PRIMPOL: variants seen among roughly 807,000 people sequenced by gnomAD.
PRIMPOL encodes DNA-directed primase/polymerase protein.
PRIMPOL carries 54 observed loss-of-function variants against 63.6 expected under a neutral mutation model. The observed-to-expected ratio is 0.85, with a 90% CI of 0.68 to 1.07. PRIMPOL has a LOEUF of 1.07. Among genes scored for constraint, PRIMPOL ranks in the 50% least tolerant of loss-of-function variants. The pLI, the probability that PRIMPOL is intolerant of heterozygous loss-of-function variation, is 0.00. For missense variants in PRIMPOL, 610 were observed against 648.3 expected (o/e 0.94, Z 0.64); for synonymous variants, 197 against 220.2 (o/e 0.89, Z 0.93).
chr4:184,654,312 T>C (rs964295667), intron 2 of PRIMPOL, among the ~76,000 whole-genome samples: 1 of 152,210 alleles, frequency 6.6e-6, no homozygotes, highest in Non-Finnish European at 1.5e-5. Context: ...TTAATAAACT[T>C]CATGATAGAA....
At position 184,654,618 on chromosome 4, in the gene PRIMPOL, T is replaced by G. The variant is rs184231548; in HGVS notation, c.-59-2464T>G. Among the ~76,000 whole-genome samples the G allele has an allele frequency of 8.2e-3, 1,246 of 151,876 alleles. 18 individuals are homozygous for G. The highest frequency in any genetic ancestry group is 0.029 in the African/African-American group (1,181 of 41,398). On this transcript the variant is annotated intron_variant, in intron 2 of 13. Transcript: ENST00000314970. ...GGCACCCACCACCACGCCCAGCTAA[T>G]TTGTTTTGTATTTTTAGTAGAGACA...
rs115783854 is a variant in PRIMPOL at position 184,652,382 on chromosome 4, G to A, written c.-60+282G>A. Among the ~76,000 whole-genome samples, 554 of 142,820 alleles carry A rather than the reference G, an allele frequency of 3.9e-3. 2 individuals carry two copies. The highest frequency in any genetic ancestry group is 0.012 in the South Asian group (52 of 4,354). The allele number at this position is 142,820 out of a possible 152,430, so 93.7% of individuals were successfully genotyped here. A position where few individuals can be genotyped will look rare whatever the true frequency, so the allele number is the denominator to read the frequency against. ...ATGCTGTTTGGATGGGAGATCCTGT[G>A]GGGAGGATAGAAAGGAGGAACTGGA... On this transcript the variant is annotated intron_variant, in intron 2 of 13. Coordinates refer to ENST00000314970, the MANE Select transcript of PRIMPOL (RefSeq NM_152683.4).
chr4:184,686,172 C>T (rs1056603290), intron 11 of PRIMPOL, among the ~76,000 whole-genome samples: 3 of 152,160 alleles, frequency 2.0e-5, no homozygotes, highest in Non-Finnish European at 4.4e-5. Flanking sequence ...GTGATTATTG[C>T]GTTGCTTCTA....
At chr4:184,663,381 C>A (rs911726107) in intron 5 of PRIMPOL, among the ~76,000 whole-genome samples, 2 of 152,114 alleles carry the variant, frequency 1.3e-5, no homozygotes, top group African/African-American at 4.8e-5. Flanking sequence ...TATTGACTTT[C>A]TTCTACAGTC....
intron 11 of PRIMPOL, among the ~76,000 whole-genome samples, chr4:184,686,741 G>C (rs1371949866): frequency 6.6e-6 from 1 of 152,078 alleles, no homozygotes; most frequent in African/African-American, 2.4e-5. Flanking sequence ...TGATCGGGAA[G>C]CTCTTGCTGG....
intron 5 of PRIMPOL, among the ~76,000 whole-genome samples, chr4:184,662,341 T>C (rs1271254696): frequency 6.6e-6 from 1 of 152,180 alleles, no homozygotes; most frequent in Non-Finnish European, 1.5e-5. Context: ...AATCATCTTA[T>C]CTTGTCCCTT....
chr4:184,680,966 A>G (rs1020039145), intron 8 of PRIMPOL, among the ~76,000 whole-genome samples: 3 of 152,172 alleles, frequency 2.0e-5, no homozygotes, highest in East Asian at 1.9e-4. Flanking sequence ...GAAAAGCAAC[A>G]TTGTTAGTTC....
chr4:184,685,702 T>G lies in PRIMPOL; in HGVS notation c.1295+18T>G. 1 of 1,096,300 alleles carries G rather than the reference T, an allele frequency of 9.1e-7. No individual in the cohort carries two copies. Among genetic ancestry groups the G allele is most frequent in the East Asian group, 2.4e-5 (1 of 41,204 alleles). The allele number at this position is 1,096,300 out of a possible 1,614,324, so 67.9% of individuals were successfully genotyped here. On this transcript the variant is annotated intron_variant, in intron 11 of 13. Coordinates refer to ENST00000314970, the MANE Select transcript of PRIMPOL (RefSeq NM_152683.4). ...AATATAATGTAAGTAATATTAATGA[T>G]TTGTGTGTATTTAACCAATATTATA...
At chr4:184,658,988 A>G (rs1747471131) in intron 3 of PRIMPOL, among the ~76,000 whole-genome samples, 1 of 151,994 alleles carries the variant, frequency 6.6e-6, no homozygotes, top group South Asian at 2.1e-4. Context: ...CAAATCATTT[A>G]TAATAATAAG....
At position 184,665,502 on chromosome 4, in the gene PRIMPOL, CT is replaced by C. The variant is rs780043138; in HGVS notation, c.409-396del. Among the ~76,000 whole-genome samples, 1,328 of 133,870 alleles carry C rather than the reference CT, an allele frequency of 9.9e-3. 3 individuals carry two copies. Among genetic ancestry groups the C allele is most frequent in the African/African-American group, 0.015 (506 of 34,818 alleles). The allele number at this position is 133,870 out of a possible 152,430, so 87.8% of individuals were successfully genotyped here. ...ACCATTAAAAAAAATGAATTAATGA[CT>C]TTTTTTTTTTTTTTTTTTGAGATGG... On this transcript the variant is annotated intron_variant, in intron 5 of 13. Transcript: ENST00000314970.
Position 184,659,551 on chromosome 4 carries a change from A to G in PRIMPOL, c.278+114A>G, listed in dbSNP as rs146469172. On this transcript the variant is annotated intron_variant, in intron 4 of 13. Coordinates refer to ENST00000314970, the MANE Select transcript of PRIMPOL (RefSeq NM_152683.4). ...GGCTTCCACAGTTCGTGACCACACT[A>G]TTAGTTGCTCTTAGAATTGAATTCT... The G allele has an allele frequency of 1.6e-4, 118 of 747,550 alleles. No individual in the cohort carries two copies. The East Asian group carries it at 2.8e-3, about 18-fold the overall frequency. 46.3% of individuals were successfully genotyped at this position (747,550 alleles called of 1,614,324 possible).
intron 7 of PRIMPOL, among the ~76,000 whole-genome samples, chr4:184,675,918 T>C (rs1401569891): frequency 6.6e-6 from 1 of 152,154 alleles, no homozygotes; most frequent in Non-Finnish European, 1.5e-5. Context: ...TGTTTGTGGT[T>C]GCCTTTGTAC....
At chr4:184,671,338 T>G (rs1751556213) in intron 6 of PRIMPOL, among the ~76,000 whole-genome samples, 1 of 152,120 alleles carries the variant, frequency 6.6e-6, no homozygotes, top group South Asian at 2.1e-4. Flanking sequence ...GGAGAGCAAA[T>G]GAGCTCTTGA....
Position 184,682,278 on chromosome 4 carries a change from T to C in PRIMPOL, c.1038T>C (p.Cys346=). Residue 346 remains cysteine (C), a synonymous_variant, in exon 9 of 14, where the codon TGT becomes TGC. Coordinates refer to ENST00000314970, the MANE Select transcript of PRIMPOL (RefSeq NM_152683.4). ...RFSDTLRILT[C]EPSQNKQKGV... ...CAGATACTTTACGAATTCTTACATG[T>C]GAGCCATCTCAGAATAAACAAAAAG... 1 of 1,603,256 alleles carries C rather than the reference T, an allele frequency of 6.2e-7. No individual in the cohort carries two copies. The highest frequency in any genetic ancestry group is 8.5e-7 in the Non-Finnish European group (1 of 1,170,766).
chr4:184,653,593 A>G (rs13136255), intron 2 of PRIMPOL, among the ~76,000 whole-genome samples: 147,359 of 152,256 alleles, frequency 0.97, 71,521 homozygotes, highest in East Asian at 1. Context: ...CTTGTGGTCC[A>G]CCCGCCTGGG....
Position 184,685,511 on chromosome 4 carries a change from T to C in PRIMPOL, c.1186+13T>C, listed in dbSNP as rs1226615196. 6 of 1,590,870 alleles carry C rather than the reference T, an allele frequency of 3.8e-6. No homozygotes were observed. The highest frequency in any genetic ancestry group is 5.2e-6 in the Non-Finnish European group (6 of 1,158,842). ...GGCATTAAAGGAGGTAAAGTTAATC[T>C]CATCCTTTGTTAACTGTTATATGAT... On this transcript the variant is annotated intron_variant, in intron 10 of 13. Transcript: ENST00000314970.
intron 5 of PRIMPOL, among the ~76,000 whole-genome samples, chr4:184,663,348 T>C (rs537423981): frequency 1.4e-3 from 219 of 152,234 alleles, no homozygotes; most frequent in African/African-American, 5.1e-3. Flanking sequence ...CCTGGCCTAA[T>C]TATGTTTTTA....
intron 1 of PRIMPOL, among the ~76,000 whole-genome samples, chr4:184,651,746 T>C (rs1560915041): frequency 6.6e-6 from 1 of 152,190 alleles, no homozygotes; most frequent in Non-Finnish European, 1.5e-5. Flanking sequence ...CCTCCCGGGT[T>C]CACATGATTC....
chr4:184,691,772 C>A, intron 13 of PRIMPOL, 60 bp downstream of exon 13: 1 of 1,315,650 alleles, frequency 7.6e-7, no homozygotes, highest in Non-Finnish European at 1.1e-6. Context: ...AATAGTATAC[C>A]TGAGCCATGA....
Sources: allele counts gnomAD v4.1 joint callset (sites outside exome capture counted in the v4.1 genomes callset), GRCh38; gene constraint gnomAD v4.1.1; transcripts MANE v1.5; gene names NCBI Gene and HGNC (gene_info 2026-07-23, HGNC 2026-07-21).